Variants in CYTIP observed in about 807,000 individuals in gnomAD.
CYTIP encodes the protein cytohesin 1 interacting protein, also known as cytohesin-interacting protein.
Under a neutral mutation model 43.8 loss-of-function variants are expected in CYTIP, and 26 were observed. The ratio of observed to expected loss-of-function variants is 0.59; its 90% CI spans 0.44 to 0.82. The LOEUF (loss-of-function observed/expected upper bound fraction) is 0.82. CYTIP is among the 40% of genes least tolerant of loss of function. The pLI is 0.00. For missense variants in CYTIP, 426 were observed against 443.1 expected (o/e 0.96, Z 0.35); for synonymous variants, 162 against 162.9 (o/e 0.99, Z 0.04).
chr2:157,427,416 C>G lies in CYTIP; in HGVS notation c.481G>C (p.Glu161Gln), dbSNP rs893105469. The change falls in exon 6 of 8, where the codon GAG becomes CAG. Residue 161 changes from glutamate to glutamine, a missense_variant. By Grantham distance (29) the Glu-to-Gln change is conservative. Coordinates refer to ENST00000264192, the MANE Select transcript of CYTIP (RefSeq NM_004288.5). Reference protein sequence around the residue: ...IRSSGNLLTIETLNGTMILKR... With the variant: ...IRSSGNLLTIQTLNGTMILKR... ...AGAATCATTGTTCCATTAAGAGTCT[C>G]TATCCTGTTTTAAGGAAAAAAAAAA... 2 of 1,600,288 alleles carry G rather than the reference C, an allele frequency of 1.2e-6. No homozygotes were observed. Among genetic ancestry groups the G allele is most frequent in the Non-Finnish European group, 1.7e-6 (2 of 1,175,538 alleles).
Position 157,416,158 on chromosome 2 carries a change from C to A in CYTIP, c.614-15G>T, listed in dbSNP as rs1685437969. ...AGCTGCATCACCTAGAGCACAAAGT[C>A]TACTGTGAAATGGATCTGTTCATTA... On this transcript the variant is annotated splice_polypyrimidine_tract_variant and intron_variant, in intron 7 of 7. Transcript: ENST00000264192. 2 of 1,584,092 alleles carry A rather than the reference C, an allele frequency of 1.3e-6. No homozygotes were observed. Among genetic ancestry groups the A allele is most frequent in the South Asian group, 1.2e-5 (1 of 86,504 alleles).
intron 6 of CYTIP, among the ~76,000 whole-genome samples, chr2:157,419,619 C>A (rs1263040715): frequency 6.6e-6 from 1 of 152,182 alleles, no homozygotes; most frequent in African/African-American, 2.4e-5. Context: ...CCTTCCTTTG[C>A]AAATTCAGGT....
intron 1 of CYTIP, among the ~76,000 whole-genome samples, chr2:157,443,352 C>A (rs1200290836): frequency 2.0e-5 from 3 of 151,412 alleles, no homozygotes; most frequent in Non-Finnish European, 4.4e-5. Context: ...AAAAAAAAAT[C>A]TTACTTTCCA....
rs191251802 is a variant in CYTIP at position 157,417,189 on chromosome 2, G to A, written c.614-1046C>T. Among the ~76,000 whole-genome samples the A allele has an allele frequency of 3.3e-3, 504 of 152,322 alleles. 2 individuals are homozygous for A. The highest frequency in any genetic ancestry group is 0.011 in the African/African-American group (463 of 41,572). The stretch of plus-strand genomic sequence containing the variant: ...TCTTTCAGATGATTTGCAAGGTTGA[G>A]TACAGCCAGCCCCATGGTGACTAGT... On this transcript the variant is annotated intron_variant, in intron 7 of 7. Coordinates refer to ENST00000264192, the MANE Select transcript of CYTIP (RefSeq NM_004288.5).
At chr2:157,433,318 A>G (rs1289932612) in intron 3 of CYTIP, among the ~76,000 whole-genome samples, 1 of 152,224 alleles carries the variant, frequency 6.6e-6, no homozygotes, top group Non-Finnish European at 1.5e-5. Context: ...ATTTAAAAGT[A>G]CAGGAGTTAG....
chr2:157,434,541 G>T, intron 2 of CYTIP, 117 bp from the exon 3 acceptor site: 1 of 963,908 alleles, frequency 1.0e-6, no homozygotes, highest in Non-Finnish European at 1.6e-6. Flanking sequence ...TATGTAAATT[G>T]TAGTATGTAA....
intron 5 of CYTIP, among the ~76,000 whole-genome samples, chr2:157,430,236 G>T (rs1477489918): frequency 6.6e-6 from 1 of 151,994 alleles, no homozygotes; most frequent in East Asian, 1.9e-4. Flanking sequence ...ATGAAAATTG[G>T]ATCAGTTCTT....
chr2:157,429,882 G>T (rs992524043), intron 5 of CYTIP, among the ~76,000 whole-genome samples: 8 of 152,046 alleles, frequency 5.3e-5, no homozygotes, highest in Non-Finnish European at 8.8e-5. Flanking sequence ...AATTAGCCGG[G>T]CATGGTGGTG....
intron 6 of CYTIP, among the ~76,000 whole-genome samples, chr2:157,426,234 C>G (rs1194852125): frequency 2.6e-5 from 4 of 151,990 alleles, no homozygotes; most frequent in Non-Finnish European, 4.4e-5. Context: ...CATAAAAGAT[C>G]TGAATAAAAA....
intron 6 of CYTIP, among the ~76,000 whole-genome samples, chr2:157,424,122 T>TG (rs1287444845): frequency 6.6e-6 from 1 of 152,142 alleles, no homozygotes; most frequent in Non-Finnish European, 1.5e-5. Context: ...GCCTAAGCTG[T>TG]GAAGCAAAGT....
chr2:157,440,983 C>A (rs966505069), intron 1 of CYTIP, among the ~76,000 whole-genome samples: 1 of 151,760 alleles, frequency 6.6e-6, no homozygotes, highest in Non-Finnish European at 1.5e-5. Flanking sequence ...AGAAGCCATA[C>A]TGGGGTGTCT....
intron 6 of CYTIP, among the ~76,000 whole-genome samples, chr2:157,423,187 C>T (rs1217664421): frequency 6.6e-6 from 1 of 151,296 alleles, no homozygotes; most frequent in Non-Finnish European, 1.5e-5. Context: ...AACCGTAGAT[C>T]AATAAGGACA....
chr2:157,438,693 C>A (rs1457834850), intron 1 of CYTIP, among the ~76,000 whole-genome samples: 4 of 150,214 alleles, frequency 2.7e-5, no homozygotes, highest in African/African-American at 7.4e-5. Flanking sequence ...TTTTAAAAAC[C>A]AAAAAATTTT....
intron 4 of CYTIP, 94 bp from the exon 5 acceptor site, chr2:157,430,746 C>T: frequency 6.9e-7 from 1 of 1,458,330 alleles, no homozygotes; most frequent in Non-Finnish European, 9.6e-7. Context: ...GTCTTAAAAA[C>T]ATAAAGGAGC....
At chr2:157,416,578 G>C (rs1685443590) in intron 7 of CYTIP, among the ~76,000 whole-genome samples, 1 of 152,044 alleles carries the variant, frequency 6.6e-6, no homozygotes, top group South Asian at 2.1e-4. Flanking sequence ...TCTCCACTTA[G>C]TTTCTCTGAT....
intron 1 of CYTIP, 143 bp downstream of exon 1, chr2:157,443,704 C>T: frequency 1.2e-6 from 1 of 837,130 alleles, no homozygotes; most frequent in Non-Finnish European, 1.7e-6. Flanking sequence ...GCTCCCTGAG[C>T]ATCTCACCTC....
At position 157,414,635 on chromosome 2, in the gene CYTIP, A is replaced by G. The variant is rs903650689; in HGVS notation, c.*1042T>C. The G allele has an allele frequency of 6.6e-6, 1 of 151,456 alleles. No individual in the cohort carries two copies. The highest frequency in any genetic ancestry group is 1.5e-5 in the Non-Finnish European group (1 of 67,902). 9.4% of individuals were successfully genotyped at this position (151,456 alleles called of 1,614,324 possible). ...AGAGAGAACTTAAAATCAGCAGACTATTTATTACATAGTCCAGATTGTCTA... is the reference window on the plus strand; with the variant it reads ...AGAGAGAACTTAAAATCAGCAGACTGTTTATTACATAGTCCAGATTGTCTA... On this transcript the variant is annotated 3_prime_UTR_variant, in exon 8 of 8. Transcript: ENST00000264192.
chr2:157,418,664 G>T, intron 6 of CYTIP, 75 bp from the exon 7 acceptor site: 8 of 1,344,878 alleles, frequency 5.9e-6, no homozygotes, highest in South Asian at 1.4e-5. Flanking sequence ...TTAATTCTAG[G>T]TGTTGAGATT....
chr2:157,423,295 T>A (rs1685553124), intron 6 of CYTIP, among the ~76,000 whole-genome samples: 1 of 149,968 alleles, frequency 6.7e-6, no homozygotes. Context: ...AGAGAAAGAG[T>A]TATCAAGAAA....
Sources: allele counts gnomAD v4.1 joint callset (sites outside exome capture counted in the v4.1 genomes callset), GRCh38; gene constraint gnomAD v4.1.1; transcripts MANE v1.5; gene names NCBI Gene and HGNC (gene_info 2026-07-23, HGNC 2026-07-21).